Variants in PAK6 observed in about 807,000 individuals in gnomAD.
PAK6 encodes the protein p21 (RAC1) activated kinase 6.
PAK6 carries 33 observed loss-of-function variants against 60.8 expected under a neutral mutation model. That is an observed-to-expected ratio of 0.54 (90% CI 0.41 to 0.73). The LOEUF is 0.73. Ranked by LOEUF, PAK6 falls within the 30% of genes least tolerant of loss-of-function variation. PAK6 has a pLI of 0.00. For missense variants in PAK6, 845 were observed against 904.1 expected (o/e 0.93, Z 0.84); for synonymous variants, 404 against 378.5 (o/e 1.07, Z -0.78).
chr15:40,267,925 G>T (rs1478457226), intron 5 of PAK6, among the ~76,000 whole-genome samples: 1 of 152,192 alleles, frequency 6.6e-6, no homozygotes, highest in African/African-American at 2.4e-5. Context: ...CCTGCTGCGA[G>T]GCCTCAGGGA....
At chr15:40,252,735 G>A (rs2038717110) in intron 2 of PAK6, 10 of 1,302,800 alleles carry the variant, frequency 7.7e-6, no homozygotes, top group Non-Finnish European at 1.0e-5. Flanking sequence ...GAGAGGACGG[G>A]CCTCCCAACA....
At chr15:40,241,870 G>T (rs916992874) in intron 2 of PAK6, among the ~76,000 whole-genome samples, 2 of 152,220 alleles carry the variant, frequency 1.3e-5, no homozygotes, top group Non-Finnish European at 2.9e-5. Flanking sequence ...GAGTCAGGAG[G>T]AACCCATAAG....
intron 5 of PAK6, 26 bp from the exon 6 acceptor site, chr15:40,272,197 AC>A (rs754117383): frequency 8.2e-6 from 13 of 1,590,488 alleles, no homozygotes; most frequent in Non-Finnish European, 1.0e-5. Flanking sequence ...CACAGCCCTG[AC>A]CCTTCCTGTT....
chr15:40,256,818 G>A (rs567030068), intron 3 of PAK6: 1 of 152,360 alleles, frequency 6.6e-6, no homozygotes, highest in East Asian at 1.9e-4. Context: ...TCAGCCCAGA[G>A]CCTGCTACTT....
At chr15:40,268,430 A>ACC (rs2039207632) in intron 5 of PAK6, among the ~76,000 whole-genome samples, 1 of 152,152 alleles carries the variant, frequency 6.6e-6, no homozygotes, top group African/African-American at 2.4e-5. Context: ...ACTCGAGCAC[A>ACC]CCCATTAAGA....
At chr15:40,241,018 T>C (rs1377860635) in intron 2 of PAK6, among the ~76,000 whole-genome samples, 1 of 152,172 alleles carries the variant, frequency 6.6e-6, no homozygotes, top group African/African-American at 2.4e-5. Flanking sequence ...TGTGTATTCA[T>C]TCCACAAATA....
At chr15:40,259,512 G>C (rs1017853982) in intron 3 of PAK6, 1 of 152,172 alleles carries the variant, frequency 6.6e-6, no homozygotes, top group Admixed American at 6.5e-5. Flanking sequence ...TTGGCCGGAC[G>C]CGGTGGCTCA....
rs2039112319 is a variant in PAK6 at position 40,265,834 on chromosome 15, C to T, written c.205-8C>T. ...GCTCCCACACACTCTTTTCTCTTCCCCCTACAGACAGTGGTGCGGGGCAGC... is the reference window on the plus strand; with the variant it reads ...GCTCCCACACACTCTTTTCTCTTCCTCCTACAGACAGTGGTGCGGGGCAGC... On this transcript the variant is annotated splice_polypyrimidine_tract_variant and splice_region_variant and intron_variant, in intron 4 of 10. Transcript: ENST00000560346. 1 of 1,514,548 alleles carries T rather than the reference C, an allele frequency of 6.6e-7. No homozygotes were observed. The allele number at this position is 1,514,548 out of a possible 1,614,324, so 93.8% of individuals were successfully genotyped here. A position where few individuals can be genotyped will look rare whatever the true frequency, so the allele number is the denominator to read the frequency against.
chr15:40,253,240 G>A (rs1022399495), exon 3 of PAK6: 4 of 455,974 alleles, frequency 8.8e-6, no homozygotes, highest in African/African-American at 6.0e-5. Context: ...CTAAGAGAGA[G>A]GCCCAGTGCG....
At chr15:40,252,999 A>T (rs1045523079) in intron 2 of PAK6, 179 bp from the exon 3 acceptor site, 10 of 462,358 alleles carry the variant, frequency 2.2e-5, no homozygotes, top group Middle Eastern at 8.3e-4. Context: ...GCTGCGCCCA[A>T]CGTCCCCTTC....
chr15:40,261,762 A>G (rs1440366174), intron 3 of PAK6, among the ~76,000 whole-genome samples: 2 of 151,512 alleles, frequency 1.3e-5, no homozygotes, highest in Non-Finnish European at 2.9e-5. Context: ...CTAAAGCTCT[A>G]CTCCCTAGCC....
At chr15:40,260,984 G>A (rs993665145) in intron 3 of PAK6, among the ~76,000 whole-genome samples, 4 of 151,598 alleles carry the variant, frequency 2.6e-5, no homozygotes, top group African/African-American at 9.7e-5. Context: ...CGCCTCCCAG[G>A]TTCACGCCAT....
At chr15:40,263,966 GGGAGGTGGTGCTCTCTGCCTTCTCT>G in intron 3 of PAK6, 1 of 455,952 alleles carries the variant, frequency 2.2e-6, no homozygotes, top group Middle Eastern at 3.3e-4. Context: ...GAGTGTCAAG[GGGAGGTGGTGCTCTCTGCCTTCTCT>G]GGAGAGCTTT....
intron 5 of PAK6, among the ~76,000 whole-genome samples, chr15:40,267,433 G>A (rs2039174551): frequency 6.6e-6 from 1 of 152,234 alleles, no homozygotes; most frequent in Non-Finnish European, 1.5e-5. Context: ...CAAGGTGGAT[G>A]GGTCACGAGG....
chr15:40,253,234 G>T (rs1201062038), exon 3 of PAK6: 3 of 455,984 alleles, frequency 6.6e-6, no homozygotes, highest in Non-Finnish European at 1.3e-5. Context: ...CAGCGCCTAA[G>T]AGAGAGGCCC....
intron 3 of PAK6, among the ~76,000 whole-genome samples, chr15:40,255,435 C>G (rs1258011537): frequency 6.6e-6 from 1 of 152,172 alleles, no homozygotes; most frequent in South Asian, 2.1e-4. Context: ...ACAGCAGAGC[C>G]TCAGGGTCCT....
At chr15:40,266,494 A>G (rs1174474272) in exon 5 of PAK6, 3 of 1,595,278 alleles carry the variant, frequency 1.9e-6, no homozygotes, top group South Asian at 1.1e-5. Context: ...CCACAGAGCA[A>G]GGTAAGTCAG....
At chr15:40,264,077 C>T (rs1034286839) in intron 3 of PAK6, among the ~76,000 whole-genome samples, 4 of 152,186 alleles carry the variant, frequency 2.6e-5, no homozygotes, top group African/African-American at 9.7e-5. Flanking sequence ...TGAGGTAAAG[C>T]ACATGGTAAC....
rs190452783 is a variant in PAK6, at chr15:40,249,411, G to A, written c.-117-3767G>A. On this transcript the variant is annotated intron_variant, in intron 2 of 10. Coordinates refer to ENST00000560346, the Ensembl canonical transcript of PAK6. ...CTCAGTTTCCTCATTTGTAAAATGCGAATAATAATTGTACAGGACTTCCAT... is the reference window on the plus strand; with the variant it reads ...CTCAGTTTCCTCATTTGTAAAATGCAAATAATAATTGTACAGGACTTCCAT... Among the ~76,000 whole-genome samples, 28 of 152,262 alleles carry A rather than the reference G, an allele frequency of 1.8e-4. No homozygotes were observed. In the East Asian group the frequency reaches 1.9e-3, roughly 10 times the overall value.
Sources: gnomAD v4.1 joint callset for allele counts (sites outside exome capture counted in the v4.1 genomes callset) on GRCh38, gnomAD v4.1.1 for gene constraint, MANE v1.5 for transcripts, NCBI Gene and HGNC (gene_info 2026-07-23, HGNC 2026-07-21) for gene names.